DCSTAMP: variants seen among roughly 807,000 people sequenced by gnomAD.
The protein encoded by DCSTAMP is dendritic cell-specific transmembrane protein.
In DCSTAMP, 25 loss-of-function variants were observed where a neutral mutation model predicts 33.8. The ratio of observed to expected loss-of-function variants is 0.74; its 90% CI spans 0.54 to 1.03. The LOEUF (loss-of-function observed/expected upper bound fraction) is 1.03. DCSTAMP is among the 50% of genes least tolerant of loss of function. The probability of loss-of-function intolerance (pLI) is 0.00; values close to 1 mark genes in which losing one functional copy is unlikely to be tolerated. For synonymous variants in DCSTAMP, 245 were observed against 216.7 expected (o/e 1.13, Z -1.15); for missense variants, 531 against 556.8 (o/e 0.95, Z 0.47).
chr8:104,356,464 C>A lies in DCSTAMP; in HGVS notation c.*266C>A. 7.4e-6 allele frequency: 2 copies of A among 269,746 alleles called. No individual in the cohort carries two copies. Among genetic ancestry groups the A allele is most frequent in the Non-Finnish European group, 1.4e-5 (2 of 143,854 alleles). 16.7% of individuals were successfully genotyped at this position (269,746 alleles called of 1,614,324 possible). A position where few individuals can be genotyped will look rare whatever the true frequency, so the allele number is the denominator to read the frequency against. On this transcript the variant is annotated 3_prime_UTR_variant, in exon 4 of 4. Coordinates refer to ENST00000297581, the MANE Select transcript of DCSTAMP (RefSeq NM_030788.4). ...CAATGTAACAAGACTCTAGCTGGGT[C>A]CCCTGGTGATGAGTTTCAGCATAGA...
At chr8:104,353,696 G>C (rs1000522155) in intron 2 of DCSTAMP, among the ~76,000 whole-genome samples, 1 of 152,188 alleles carries the variant, frequency 6.6e-6, no homozygotes, top group Non-Finnish European at 1.5e-5. Context: ...CCCAGGTTTG[G>C]GGTTTCCAAA....
intron 1 of DCSTAMP, among the ~76,000 whole-genome samples, chr8:104,341,185 T>A (rs1037531448): frequency 1.3e-5 from 2 of 152,204 alleles, no homozygotes; most frequent in African/African-American, 2.4e-5. Context: ...GCTTACCAGC[T>A]CTGGAGACAC....
chr8:104,345,513 G>A (rs1564063969), intron 1 of DCSTAMP, among the ~76,000 whole-genome samples: 1 of 152,154 alleles, frequency 6.6e-6, no homozygotes, highest in Non-Finnish European at 1.5e-5. Context: ...GATAATATTA[G>A]AGCTGTTGCC....
chr8:104,350,000 C>A (rs553951654), intron 2 of DCSTAMP, among the ~76,000 whole-genome samples: 2 of 152,134 alleles, frequency 1.3e-5, no homozygotes, highest in South Asian at 2.1e-4. Context: ...GCTCTGTCAT[C>A]GCATCACTTT....
intron 1 of DCSTAMP, among the ~76,000 whole-genome samples, chr8:104,342,112 G>C (rs945900968): frequency 2.0e-5 from 3 of 152,130 alleles, no homozygotes; most frequent in Admixed American, 6.5e-5. Flanking sequence ...AGAAATCTTT[G>C]GGCAAAAATA....
chr8:104,356,136 C>T lies in DCSTAMP; in HGVS notation c.1351C>T (p.Leu451Phe), dbSNP rs773993853. The T allele has an allele frequency of 6.2e-7, 1 of 1,611,202 alleles. No homozygotes were observed. The highest frequency in any genetic ancestry group is 8.5e-7 in the Non-Finnish European group (1 of 1,178,794). ...TCTGTCTCTTCAGATTCATTTCTGG[C>T]TTCCAGTCCTGAAAATGATTAGGAA... is the stretch of plus-strand genomic sequence containing the variant. ...SLYLTKIHFW[L>F]PVLKMIRKKQ... The change falls in exon 4 of 4, where the codon CTT becomes TTT. Residue 451 changes from leucine (L) to phenylalanine (F), a missense_variant. By Grantham distance (22) the Leu-to-Phe change is conservative (BLOSUM62 0). Coordinates refer to ENST00000297581, the MANE Select transcript of DCSTAMP (RefSeq NM_030788.4).
At chr8:104,352,188 G>A (rs533270017) in intron 2 of DCSTAMP, among the ~76,000 whole-genome samples, 21 of 152,230 alleles carry the variant, frequency 1.4e-4, no homozygotes, top group African/African-American at 4.6e-4. Context: ...TCCTCCTGCT[G>A]CATTCACACT....
intron 2 of DCSTAMP, among the ~76,000 whole-genome samples, chr8:104,352,110 A>T (rs1167891031): frequency 6.6e-6 from 1 of 152,146 alleles, no homozygotes; most frequent in Non-Finnish European, 1.5e-5. Context: ...AACGGCCACA[A>T]TGTTGCCTGC....
At chr8:104,346,400 C>T (rs1467732304) in intron 1 of DCSTAMP, among the ~76,000 whole-genome samples, 5 of 152,212 alleles carry the variant, frequency 3.3e-5, no homozygotes, top group South Asian at 2.1e-4. Flanking sequence ...CTGTCTGACT[C>T]GGTCTGTAAT....
Position 104,356,104 on chromosome 8 carries a change from C to T in DCSTAMP, c.1339-20C>T. On this transcript the variant is annotated intron_variant, in intron 3 of 3. Transcript: ENST00000297581. ...GACTCCAACTCCAATGCCCATTTAT[C>T]CACTTTTCTGTCTCTTCAGATTCAT... The T allele has an allele frequency of 1.2e-6, 2 of 1,603,834 alleles. No individual in the cohort carries two copies. The highest frequency in any genetic ancestry group is 1.7e-6 in the Non-Finnish European group (2 of 1,175,932).
chr8:104,348,795 T>C lies in DCSTAMP; in HGVS notation c.243T>C (p.Phe81=). The change falls in exon 2 of 4, where the codon TTT becomes TTC. Residue 81 remains phenylalanine, a synonymous_variant. Transcript: ENST00000297581. ...LLCCSKHARC[F]ILLVFLSCGL... is the part of the protein sequence containing the mutation. The stretch of plus-strand genomic sequence containing the variant: ...GTTGCTCCAAGCATGCACGATGTTT[T>C]ATTCTTCTTGTCTTTCTCTCTTGTG... 6 of 1,614,222 alleles carry C rather than the reference T, an allele frequency of 3.7e-6. No individual in the cohort carries two copies. The highest frequency in any genetic ancestry group is 5.1e-6 in the Non-Finnish European group (6 of 1,180,040).
intron 2 of DCSTAMP, among the ~76,000 whole-genome samples, chr8:104,352,532 T>C (rs1355066670): frequency 6.6e-6 from 1 of 152,010 alleles, no homozygotes; most frequent in Non-Finnish European, 1.5e-5. Context: ...TTTTCTTCTC[T>C]CTCATTTACT....
chr8:104,343,937 TG>T lies in DCSTAMP; in HGVS notation c.-13+4079del, dbSNP rs542107797. Among the ~76,000 whole-genome samples, 372 of 152,322 alleles carry T rather than the reference TG, an allele frequency of 2.4e-3. 3 individuals are homozygous for T. Among genetic ancestry groups the T allele is most frequent in the Middle Eastern group, 0.017 (5 of 294 alleles). The stretch of plus-strand genomic sequence containing the variant: ...TCTGCTGTTGAAGCCACCCAGCCTG[TG>T]GGGTTCTGCTATGGCAGCACTGGCA... On this transcript the variant is annotated intron_variant, in intron 1 of 3. Coordinates refer to ENST00000297581, the MANE Select transcript of DCSTAMP (RefSeq NM_030788.4).
intron 2 of DCSTAMP, among the ~76,000 whole-genome samples, chr8:104,349,949 G>A (rs897861895): frequency 3.9e-5 from 6 of 152,150 alleles, no homozygotes; most frequent in Admixed American, 2.0e-4. Flanking sequence ...TCTAGTGGCC[G>A]ATGGCATCCC....
At chr8:104,341,161 G>A (rs2099382755) in intron 1 of DCSTAMP, among the ~76,000 whole-genome samples, 1 of 152,198 alleles carries the variant, frequency 6.6e-6, no homozygotes, top group Non-Finnish European at 1.5e-5. Context: ...ATAGCAGTAA[G>A]CCTGTGGGTT....
intron 3 of DCSTAMP, among the ~76,000 whole-genome samples, chr8:104,355,910 C>T (rs1156826167): frequency 6.6e-6 from 1 of 152,174 alleles, no homozygotes. Context: ...AAGAATCACT[C>T]ACATTGTTTC....
At position 104,356,621 on chromosome 8, in the gene DCSTAMP, A is replaced by G. The variant is rs1810632695; in HGVS notation, c.*423A>G. ...AACTCTTCCGTCCTTAATGTCTTCC[A>G]TGGCTATTGCCCCCACAATGGTCTC... On this transcript the variant is annotated 3_prime_UTR_variant, in exon 4 of 4. Coordinates refer to ENST00000297581, the MANE Select transcript of DCSTAMP (RefSeq NM_030788.4). 6.6e-6 allele frequency: 1 copy of G among 152,538 alleles called. No homozygotes were observed. Among genetic ancestry groups the G allele is most frequent in the East Asian group, 1.9e-4 (1 of 5,214 alleles). 9.4% of individuals were successfully genotyped at this position (152,538 alleles called of 1,614,324 possible). A position where few individuals can be genotyped will look rare whatever the true frequency, so the allele number is the denominator to read the frequency against.
intron 1 of DCSTAMP, among the ~76,000 whole-genome samples, chr8:104,346,591 C>A (rs184842444): frequency 1.1e-4 from 16 of 152,320 alleles, no homozygotes. Context: ...GTCAGAACAT[C>A]CTTATATGTG....
At chr8:104,342,543 C>A (rs1467524695) in intron 1 of DCSTAMP, among the ~76,000 whole-genome samples, 2 of 152,220 alleles carry the variant, frequency 1.3e-5, no homozygotes, top group African/African-American at 4.8e-5. Flanking sequence ...GCTCTCCAGC[C>A]CCCCAGAGAC....
Sources: gnomAD v4.1 joint callset for allele counts (sites outside exome capture counted in the v4.1 genomes callset) on GRCh38, gnomAD v4.1.1 for gene constraint, MANE v1.5 for transcripts, NCBI Gene and HGNC (gene_info 2026-07-23, HGNC 2026-07-21) for gene names.